PON1: variants seen among roughly 807,000 people sequenced by gnomAD.
PON1 encodes the protein serum paraoxonase/arylesterase 1.
In PON1, 37 loss-of-function variants were observed where a neutral mutation model predicts 39.2. That is an observed-to-expected ratio of 0.94 (90% CI 0.73 to 1.24). PON1 has a LOEUF of 1.24. Ranked by LOEUF, PON1 falls within the 50% of genes most tolerant of loss-of-function variation. The pLI is 0.00. For missense variants in PON1, 397 were observed against 413.5 expected (o/e 0.96, Z 0.35); for synonymous variants, 148 against 152.2 (o/e 0.97, Z 0.21).
chr7:95,316,311 T>G (rs1195503234), intron 3 of PON1, among the ~76,000 whole-genome samples: 1 of 152,206 alleles, frequency 6.6e-6, no homozygotes, highest in Non-Finnish European at 1.5e-5. Flanking sequence ...TCAACAATTT[T>G]AAATTAAAGG....
chr7:95,319,096 C>T (rs988923296), intron 1 of PON1, among the ~76,000 whole-genome samples: 9 of 148,790 alleles, frequency 6.0e-5, no homozygotes, highest in Non-Finnish European at 8.9e-5. Context: ...AAGAAACAGA[C>T]GACGTTAGCA....
At chr7:95,314,123 C>A (rs974142563) in intron 4 of PON1, among the ~76,000 whole-genome samples, 1 of 152,016 alleles carries the variant, frequency 6.6e-6, no homozygotes, top group Non-Finnish European at 1.5e-5. Flanking sequence ...CTTTGGGAGG[C>A]CGAGATGGGA....
chr7:95,315,585 C>T, intron 3 of PON1, 95 bp from the exon 4 acceptor site: 1 of 1,315,572 alleles, frequency 7.6e-7, no homozygotes, highest in South Asian at 1.2e-5. Flanking sequence ...GTTGACTGCT[C>T]CAAACCACAG....
chr7:95,320,939 G>A (rs1041541951), intron 1 of PON1, among the ~76,000 whole-genome samples: 4 of 152,170 alleles, frequency 2.6e-5, no homozygotes, highest in African/African-American at 9.7e-5. Flanking sequence ...GAACATCTGA[G>A]GCTAAGCAAC....
At position 95,318,308 on chromosome 7, in the gene PON1, C is replaced by T. The variant is rs746502193; in HGVS notation, c.145+15G>A. The T allele has an allele frequency of 6.3e-6, 10 of 1,584,488 alleles. No homozygotes were observed. In the South Asian group the frequency reaches 1.1e-4, roughly 18 times the overall value. On this transcript the variant is annotated intron_variant, in intron 2 of 8. Transcript: ENST00000222381. ...GGAAGTTCAAATGAGACCCTTCTTC[C>T]TCTCACATACATACCGATTCCTTTA...
intron 1 of PON1, among the ~76,000 whole-genome samples, chr7:95,321,877 A>T (rs1807906814): frequency 6.6e-6 from 1 of 152,202 alleles, no homozygotes; most frequent in Admixed American, 6.5e-5. Flanking sequence ...TACATCTGTC[A>T]ACTTTCTTAC....
intron 5 of PON1, among the ~76,000 whole-genome samples, chr7:95,310,985 G>A (rs1461534989): frequency 1.3e-5 from 2 of 152,154 alleles, no homozygotes; most frequent in African/African-American, 4.8e-5. Context: ...TAAATTTTGT[G>A]CAATCAAACA....
intron 1 of PON1, among the ~76,000 whole-genome samples, chr7:95,323,242 C>T (rs1241995935): frequency 6.6e-6 from 1 of 152,128 alleles, no homozygotes; most frequent in African/African-American, 2.4e-5. Context: ...CTGTCTGGGT[C>T]ACTCCAGGAG....
At chr7:95,307,073 T>A (rs201122865) in intron 6 of PON1, among the ~76,000 whole-genome samples, 1,518 of 71,644 alleles carry the variant, frequency 0.021, 18 homozygotes, top group East Asian at 0.11. Flanking sequence ...TTTTTTTTTT[T>A]AAAAAAAAAC....
chr7:95,319,945 A>C (rs1269934448), intron 1 of PON1, among the ~76,000 whole-genome samples: 1 of 152,198 alleles, frequency 6.6e-6, no homozygotes, highest in East Asian at 1.9e-4. Flanking sequence ...TTTATTTTTA[A>C]ATGTTGGTAA....
At chr7:95,322,325 T>C (rs1410154792) in intron 1 of PON1, among the ~76,000 whole-genome samples, 2 of 43,814 alleles carry the variant, frequency 4.6e-5, no homozygotes, top group South Asian at 9.1e-4. Context: ...AATATAAATA[T>C]ATGTATGTGT....
chr7:95,301,665 T>C (rs1390228797), intron 8 of PON1, among the ~76,000 whole-genome samples: 1 of 152,126 alleles, frequency 6.6e-6, no homozygotes, highest in Non-Finnish European at 1.5e-5. Flanking sequence ...TTGATTAAAC[T>C]CCCCTCAAAT....
At chr7:95,299,665 A>G (rs854554) in intron 8 of PON1, among the ~76,000 whole-genome samples, 116,205 of 151,942 alleles carry the variant, frequency 0.76, 44,890 homozygotes, top group East Asian at 0.9. Flanking sequence ...TCTTTCTCCC[A>G]TGCTGATGCT....
chr7:95,313,589 A>G (rs1466456331), intron 4 of PON1, among the ~76,000 whole-genome samples: 2 of 150,882 alleles, frequency 1.3e-5, no homozygotes, highest in African/African-American at 2.5e-5. Flanking sequence ...GGATGAGTGG[A>G]AAGTCCATTG....
chr7:95,321,782 C>T (rs1807904668), intron 1 of PON1, among the ~76,000 whole-genome samples: 1 of 152,106 alleles, frequency 6.6e-6, no homozygotes, highest in African/African-American at 2.4e-5. Flanking sequence ...CTGGAAAGAC[C>T]CCTACTCATG....
At chr7:95,321,732 C>G (rs1016724239) in intron 1 of PON1, among the ~76,000 whole-genome samples, 2 of 152,146 alleles carry the variant, frequency 1.3e-5, no homozygotes, top group African/African-American at 4.8e-5. Flanking sequence ...TTTGCTCACA[C>G]TTTTCCCTTC....
At chr7:95,310,602 A>C (rs968843207) in intron 5 of PON1, among the ~76,000 whole-genome samples, 1 of 152,132 alleles carries the variant, frequency 6.6e-6, no homozygotes, top group African/African-American at 2.4e-5. Context: ...CTCATCCTCA[A>C]ACCACCAGAT....
At chr7:95,316,835 C>A (rs760856583) in intron 2 of PON1, 46 bp from the exon 3 acceptor site, 1 of 1,474,194 alleles carries the variant, frequency 6.8e-7, no homozygotes, top group East Asian at 2.3e-5. Context: ...CATATTATTG[C>A]AGGATGTGGA....
intron 6 of PON1, 131 bp downstream of exon 6, chr7:95,307,880 T>A: frequency 1.1e-6 from 1 of 949,714 alleles, no homozygotes; most frequent in South Asian, 1.5e-5. Flanking sequence ...TAAGACATTT[T>A]ACATTTTTCC....
Sources: gnomAD v4.1 joint callset for allele counts (sites outside exome capture counted in the v4.1 genomes callset) on GRCh38, gnomAD v4.1.1 for gene constraint, MANE v1.5 for transcripts, NCBI Gene and HGNC (gene_info 2026-07-23, HGNC 2026-07-21) for gene names.